The following WDFY3 variants were observed in gnomAD, a reference collection of about 807,000 sequenced individuals.
WDFY3 encodes the protein WD repeat and FYVE domain containing 3.
WDFY3 carries 66 observed loss-of-function variants against 409.6 expected under a neutral mutation model. That is an observed-to-expected ratio of 0.16 (90% confidence interval 0.13 to 0.20). The LOEUF is 0.20. WDFY3 is among the 10% of genes least tolerant of loss of function. The pLI, the probability that WDFY3 is intolerant of heterozygous loss-of-function variation, is 1.00. For missense variants in WDFY3, 3,031 were observed against 4,298.1 expected, an observed-to-expected ratio of 0.71 and a Z score of 8.24; for synonymous variants, 1,521 against 1,537.1, an observed-to-expected ratio of 0.99 and a Z score of 0.25.
chr4:84,689,315 T>C lies in WDFY3; in HGVS notation c.9364-1050A>G, dbSNP rs147206333. Reference sequence around the variant, plus strand: ...AAGAGTTGGCTTAAAATTTTGGTCATATAGACATCTTTATTGCATGCTTAG... The same window carrying C: ...AAGAGTTGGCTTAAAATTTTGGTCACATAGACATCTTTATTGCATGCTTAG... On this transcript the variant is annotated intron_variant, in intron 61 of 67. Transcript: ENST00000295888. Among the ~76,000 whole-genome samples, 8 of 152,348 alleles carry C rather than the reference T, an allele frequency of 5.3e-5. No homozygotes were observed. The East Asian group carries it at 9.6e-4, about 18-fold the overall frequency.
chr4:84,794,852 C>A, intron 20 of WDFY3, 27 bp downstream of exon 20: 2 of 1,548,838 alleles, frequency 1.3e-6, no homozygotes, highest in East Asian at 2.3e-5. Flanking sequence ...AAAAAAAACT[C>A]ATAAGCAGAA....
At chr4:84,833,688 A>AGAGAAGAGAAGAG (rs1756112672) in intron 7 of WDFY3, among the ~76,000 whole-genome samples, 30 of 149,610 alleles carry the variant, frequency 2.0e-4, no homozygotes, top group African/African-American at 7.0e-4. Context: ...AAAGAAAAGA[A>AGAGAAGAGAAGAG]AAGAGAAGAG....
chr4:84,928,683 A>G (rs920236572), intron 2 of WDFY3, among the ~76,000 whole-genome samples: 9 of 152,310 alleles, frequency 5.9e-5, no homozygotes, highest in Admixed American at 5.2e-4. Flanking sequence ...ATACTTTATA[A>G]TACCTTAGTT....
intron 22 of WDFY3, 68 bp downstream of exon 22, chr4:84,789,658 C>T (rs973266213): frequency 1.3e-6 from 2 of 1,493,350 alleles, no homozygotes; most frequent in Admixed American, 1.8e-5. Flanking sequence ...CACACACACA[C>T]ACACACACAC....
At chr4:84,857,461 C>A (rs1197854668) in intron 4 of WDFY3, among the ~76,000 whole-genome samples, 1 of 152,108 alleles carries the variant, frequency 6.6e-6, no homozygotes, top group Non-Finnish European at 1.5e-5. Flanking sequence ...ATTCTCATTA[C>A]CTTGTAAACA....
chr4:84,944,015 T>TACC (rs2151056829), intron 1 of WDFY3, among the ~76,000 whole-genome samples: 1 of 152,270 alleles, frequency 6.6e-6, no homozygotes, highest in Non-Finnish European at 1.5e-5. Context: ...AATGGAAACT[T>TACC]TAGGTTGATG....
At chr4:84,897,518 G>T (rs1400949908) in intron 2 of WDFY3, among the ~76,000 whole-genome samples, 1 of 152,074 alleles carries the variant, frequency 6.6e-6, no homozygotes, top group Non-Finnish European at 1.5e-5. Context: ...GAGTAGCTGG[G>T]ATTACAGGTG....
intron 27 of WDFY3, among the ~76,000 whole-genome samples, chr4:84,775,364 C>T (rs949935391): frequency 2.0e-5 from 3 of 151,962 alleles, no homozygotes; most frequent in African/African-American, 4.8e-5. Context: ...TTCAAATACC[C>T]TCCATATGCT....
intron 3 of WDFY3, among the ~76,000 whole-genome samples, chr4:84,863,642 C>T (rs1156531684): frequency 6.6e-6 from 1 of 152,172 alleles, no homozygotes; most frequent in Non-Finnish European, 1.5e-5. Flanking sequence ...TCATGAGGCT[C>T]TCCCTGTTTT....
intron 44 of WDFY3, among the ~76,000 whole-genome samples, chr4:84,730,556 G>T (rs776637157): frequency 1.3e-5 from 2 of 152,128 alleles, no homozygotes; most frequent in Non-Finnish European, 2.9e-5. Flanking sequence ...CCTAGAAGGG[G>T]TTCCTTAACT....
intron 13 of WDFY3, among the ~76,000 whole-genome samples, chr4:84,816,457 G>C (rs983164613): frequency 2.0e-5 from 3 of 152,060 alleles, no homozygotes; most frequent in African/African-American, 7.2e-5. Context: ...AGTATGTAAA[G>C]CAGGGACACT....
chr4:84,899,427 T>C (rs1486777750), intron 2 of WDFY3, among the ~76,000 whole-genome samples: 1 of 152,220 alleles, frequency 6.6e-6, no homozygotes, highest in Non-Finnish European at 1.5e-5. Context: ...GTATTTTAAG[T>C]CAATAAACTA....
chr4:84,733,293 A>G (rs1736910209), intron 44 of WDFY3, 89 bp downstream of exon 44: 1 of 1,358,640 alleles, frequency 7.4e-7, no homozygotes, highest in African/African-American at 1.5e-5. Context: ...TAGCTATTTG[A>G]GGTAATTGAC....
intron 55 of WDFY3, 123 bp from the exon 56 acceptor site, chr4:84,702,629 A>G: frequency 1.3e-6 from 1 of 777,924 alleles, no homozygotes; most frequent in South Asian, 3.4e-5. Flanking sequence ...ATTATCCTAC[A>G]TTAAATACGC....
intron 2 of WDFY3, among the ~76,000 whole-genome samples, chr4:84,915,123 G>A (rs566103252): frequency 8.8e-4 from 134 of 152,176 alleles, no homozygotes; most frequent in Non-Finnish European, 1.5e-3. Context: ...TCTAGAACAG[G>A]CAAATTCATA....
chr4:84,799,810 G>A (rs1750181058), intron 17 of WDFY3, among the ~76,000 whole-genome samples: 1 of 152,096 alleles, frequency 6.6e-6, no homozygotes, highest in African/African-American at 2.4e-5. Context: ...ATAATCTATG[G>A]CTTTTAAGTA....
At chr4:84,879,529 A>T (rs1763207219) in intron 3 of WDFY3, 1 of 152,166 alleles carries the variant, frequency 6.6e-6, no homozygotes, top group Non-Finnish European at 1.5e-5. Context: ...AATCTTTAAA[A>T]ATGTTTAGAA....
chr4:84,855,857 G>C (rs939705166), intron 4 of WDFY3, among the ~76,000 whole-genome samples: 1 of 152,166 alleles, frequency 6.6e-6, no homozygotes, highest in Non-Finnish European at 1.5e-5. Flanking sequence ...CATCAGATGA[G>C]AGTCTGAGAA....
chr4:84,682,681 TATTA>T, intron 63 of WDFY3: 1 of 530,482 alleles, frequency 1.9e-6, no homozygotes, highest in South Asian at 2.2e-5. Flanking sequence ...ATTATAGTCA[TATTA>T]GTTTAAAAAC....
Sources: allele counts gnomAD v4.1 joint callset (sites outside exome capture counted in the v4.1 genomes callset), GRCh38; gene constraint gnomAD v4.1.1; transcripts MANE v1.5; gene names NCBI Gene and HGNC (gene_info 2026-07-23, HGNC 2026-07-21).